The following AK5 variants were observed in gnomAD, a reference collection of about 807,000 sequenced individuals.
AK5 encodes adenylate kinase 5, also known as adenylate kinase isoenzyme 5.
AK5 carries 27 observed loss-of-function variants against 69.5 expected under a neutral mutation model. That is an observed-to-expected ratio of 0.39 (90% CI 0.29 to 0.54). The LOEUF is 0.54. Ranked by LOEUF, AK5 falls within the 20% of genes least tolerant of loss-of-function variation. The probability of loss-of-function intolerance (pLI) is 0.71; values close to 1 mark genes in which losing one functional copy is unlikely to be tolerated. For synonymous variants in AK5, 260 were observed against 244.4 expected, an observed-to-expected ratio of 1.06 and a Z score of -0.60; for missense variants, 531 against 700.4, an observed-to-expected ratio of 0.76 and a Z score of 2.73.
intron 10 of AK5, among the ~76,000 whole-genome samples, chr1:77,498,898 A>G (rs1015831732): frequency 2.6e-5 from 4 of 152,244 alleles, no homozygotes; most frequent in African/African-American, 9.6e-5. Context: ...TAAGGGACTG[A>G]GCTGTTAAGT....
intron 5 of AK5, among the ~76,000 whole-genome samples, chr1:77,304,094 A>G (rs1659495578): frequency 6.6e-6 from 1 of 151,928 alleles, no homozygotes; most frequent in Admixed American, 6.6e-5. Context: ...AGTAGGTCTT[A>G]TTCATTCTTT....
intron 6 of AK5, among the ~76,000 whole-genome samples, chr1:77,387,438 T>G (rs1484950508): frequency 6.6e-6 from 1 of 152,214 alleles, no homozygotes; most frequent in Non-Finnish European, 1.5e-5. Flanking sequence ...GTCATTATAA[T>G]CAATCAGAGC....
rs1660309533 is a variant in AK5 at position 77,559,332 on chromosome 1, T to TTTA, written c.*662_*663insTTA. On this transcript the variant is annotated 3_prime_UTR_variant, in exon 14 of 14. Coordinates refer to ENST00000354567, the MANE Select transcript of AK5 (RefSeq NM_174858.3). ...AGTCATCAGTAACCTTCTCTATTAT[T>TTTA]ATTATTTTTTAGAAACTTGGAATAC... 1 of 152,100 alleles carries TTTA rather than the reference T, an allele frequency of 6.6e-6. No homozygotes were observed. The highest frequency in any genetic ancestry group is 2.4e-5 in the African/African-American group (1 of 41,388). The allele number at this position is 152,100 out of a possible 1,614,324, so 9.4% of individuals were successfully genotyped here.
chr1:77,374,717 A>T (rs1221893061), intron 6 of AK5, among the ~76,000 whole-genome samples: 1 of 151,968 alleles, frequency 6.6e-6, no homozygotes, highest in African/African-American at 2.4e-5. Context: ...GCTACTCAGG[A>T]GACCAAGGCA....
At chr1:77,287,490 T>G (rs1658425124) in intron 2 of AK5, among the ~76,000 whole-genome samples, 1 of 152,246 alleles carries the variant, frequency 6.6e-6, no homozygotes, top group South Asian at 2.1e-4. Context: ...ACATAGCAGT[T>G]CAGCATTTTT....
At chr1:77,350,772 T>A (rs1167771143) in intron 6 of AK5, among the ~76,000 whole-genome samples, 1 of 152,140 alleles carries the variant, frequency 6.6e-6, no homozygotes, top group Non-Finnish European at 1.5e-5. Flanking sequence ...TTGGATAGTG[T>A]TCATGGCAAG....
intron 3 of AK5, among the ~76,000 whole-genome samples, chr1:77,296,825 GAT>G (rs1168580703): frequency 6.6e-6 from 1 of 152,176 alleles, no homozygotes; most frequent in African/African-American, 2.4e-5. Context: ...ATGACAAAGA[GAT>G]AGAGATCTAG....
chr1:77,555,282 A>C (rs1025742214), intron 13 of AK5, among the ~76,000 whole-genome samples: 1 of 152,204 alleles, frequency 6.6e-6, no homozygotes, highest in African/African-American at 2.4e-5. Flanking sequence ...TGTTTTAAAA[A>C]ACAAAAAACA....
At chr1:77,290,711 CA>C in intron 2 of AK5, among the ~76,000 whole-genome samples, 1 of 152,320 alleles carries the variant, frequency 6.6e-6, no homozygotes, top group African/African-American at 2.4e-5. Flanking sequence ...TCAAAACCAG[CA>C]CTTACTTCTT....
intron 6 of AK5, among the ~76,000 whole-genome samples, chr1:77,346,734 G>T (rs1035712520): frequency 2.0e-5 from 3 of 152,090 alleles, no homozygotes; most frequent in African/African-American, 7.2e-5. Flanking sequence ...CTGAGCTAAA[G>T]CAATCCACCC....
intron 6 of AK5, among the ~76,000 whole-genome samples, chr1:77,374,584 C>T (rs1210347653): frequency 2.0e-5 from 3 of 151,908 alleles, no homozygotes; most frequent in African/African-American, 7.3e-5. Flanking sequence ...GTCATTGAGG[C>T]TGAGGTGGAA....
intron 12 of AK5, among the ~76,000 whole-genome samples, chr1:77,533,603 C>T (rs1431642243): frequency 5.3e-5 from 8 of 150,884 alleles, no homozygotes; most frequent in African/African-American, 2.0e-4. Context: ...TTCCAAATGA[C>T]ATGCTGCTGG....
intron 10 of AK5, among the ~76,000 whole-genome samples, chr1:77,502,587 C>G (rs1656784297): frequency 1.3e-5 from 2 of 152,120 alleles, no homozygotes; most frequent in South Asian, 4.1e-4. Flanking sequence ...AGGCCTCCTC[C>G]TGGAAAATCC....
Position 77,391,495 on chromosome 1 carries a change from G to GTGTATATATATATA in AK5, c.892-19485_892-19484insGTATATATATATAT, listed in dbSNP as rs1425180466. Among the ~76,000 whole-genome samples, 321 of 63,142 alleles carry GTGTATATATATATA rather than the reference G, an allele frequency of 5.1e-3. 3 individuals carry two copies. The highest frequency in any genetic ancestry group is 0.013 in the South Asian group (21 of 1,600). 41.4% of individuals were successfully genotyped at this position (63,142 alleles called of 152,430 possible). A position where few individuals can be genotyped will look rare whatever the true frequency, so the allele number is the denominator to read the frequency against. On this transcript the variant is annotated intron_variant, in intron 6 of 13. Transcript: ENST00000354567. ...TATGTGTGTGTGTATGTGTGTGTGT[G>GTGTATATATATATA]TATATATATATATATATATATATAT...
intron 5 of AK5, among the ~76,000 whole-genome samples, chr1:77,328,626 T>C (rs1289365674): frequency 6.6e-6 from 1 of 152,252 alleles, no homozygotes; most frequent in East Asian, 1.9e-4. Flanking sequence ...CACAGAAATG[T>C]ATGTTTCATA....
chr1:77,422,549 T>A (rs765513275), intron 8 of AK5, among the ~76,000 whole-genome samples: 1 of 152,124 alleles, frequency 6.6e-6, no homozygotes, highest in Non-Finnish European at 1.5e-5. Context: ...CACAGTCCCT[T>A]TCCTCTATAT....
intron 5 of AK5, among the ~76,000 whole-genome samples, chr1:77,311,909 A>G (rs1254669202): frequency 6.6e-6 from 1 of 152,184 alleles, no homozygotes; most frequent in Non-Finnish European, 1.5e-5. Flanking sequence ...GTGATCTGTC[A>G]GCTGGAGTCC....
chr1:77,540,578 G>A (rs1221120623), intron 13 of AK5: 1 of 152,218 alleles, frequency 6.6e-6, no homozygotes, highest in African/African-American at 2.4e-5. Context: ...TAACTGAAAT[G>A]TAGCATTTGG....
chr1:77,418,401 A>G (rs1206292007), intron 8 of AK5, among the ~76,000 whole-genome samples: 1 of 152,188 alleles, frequency 6.6e-6, no homozygotes, highest in Non-Finnish European at 1.5e-5. Context: ...TGTGGGAATT[A>G]TGGGAGCTAC....
Sources: gnomAD v4.1 joint callset for allele counts (sites outside exome capture counted in the v4.1 genomes callset) on GRCh38, gnomAD v4.1.1 for gene constraint, MANE v1.5 for transcripts, NCBI Gene and HGNC (gene_info 2026-07-23, HGNC 2026-07-21) for gene names.